Variants in IMPG1 observed in about 807,000 individuals in gnomAD.
IMPG1 encodes interphotoreceptor matrix proteoglycan 1.
Under a neutral mutation model 92.0 loss-of-function variants are expected in IMPG1, and 85 were observed. The observed-to-expected ratio is 0.92, with a 90% CI of 0.78 to 1.11. The LOEUF (loss-of-function observed/expected upper bound fraction) is 1.11. Ranked by LOEUF, IMPG1 falls within the 50% of genes least tolerant of loss-of-function variation. The probability of loss-of-function intolerance (pLI) is 0.00; values close to 1 mark genes in which losing one functional copy is unlikely to be tolerated. For missense variants in IMPG1, 1,022 were observed against 956.0 expected, an observed-to-expected ratio of 1.07 and a Z score of -0.91; for synonymous variants, 367 against 334.1, an observed-to-expected ratio of 1.10 and a Z score of -1.08.
At chr6:76,064,912 G>T (rs1388506163) in intron 1 of IMPG1, among the ~76,000 whole-genome samples, 1 of 152,092 alleles carries the variant, frequency 6.6e-6, no homozygotes. Flanking sequence ...GGCACCATAG[G>T]AGACAATGAA....
At position 76,034,626 on chromosome 6, in the gene IMPG1, G is replaced by A. The variant is rs773117498; in HGVS notation, c.463C>T (p.Gln155Ter). The A allele has an allele frequency of 6.2e-7, 1 of 1,614,094 alleles. No homozygotes were observed. The highest frequency in any genetic ancestry group is 1.1e-5 in the South Asian group (1 of 91,082). ...SNSQEHLDLL[Q>*]QRIKQRSFPD... Reference sequence around the variant, plus strand: ...CATGTGGTGTTTAGGCTCACCTGCTGGAGAAGATCCAGGTGCTCCTGGGAA... The same window carrying A: ...CATGTGGTGTTTAGGCTCACCTGCTAGAGAAGATCCAGGTGCTCCTGGGAA... Residue 155 changes from glutamine (Q) to a stop codon, truncating the protein, a stop_gained, in exon 3 of 17, where the codon CAG becomes TAG. Coordinates refer to ENST00000369950, the MANE Select transcript of IMPG1 (RefSeq NM_001563.4). LOFTEE classifies it high-confidence loss of function.
At chr6:75,948,777 T>C (rs776215635) in intron 13 of IMPG1, among the ~76,000 whole-genome samples, 1 of 152,182 alleles carries the variant, frequency 6.6e-6, no homozygotes, top group Non-Finnish European at 1.5e-5. Flanking sequence ...TTTTCCAGCC[T>C]CCCTTGTGGC....
chr6:76,012,373 T>A (rs750055838), intron 7 of IMPG1, among the ~76,000 whole-genome samples: 2 of 152,196 alleles, frequency 1.3e-5, no homozygotes, highest in Non-Finnish European at 2.9e-5. Context: ...ACTCTCTCCA[T>A]CTTCATTGCT....
rs755923921 is a variant in IMPG1 at position 76,025,259 on chromosome 6, C to G, written c.498-1G>C. 5.1e-6 allele frequency: 8 copies of G among 1,561,202 alleles called. No individual in the cohort carries two copies. In the Middle Eastern group the frequency reaches 5.1e-4, roughly 99 times the overall value. ...CTTCTCTGCAGATATTTCATCTTTT[C>G]TATTAGTACAATAGAAAAGAAGGAA... On this transcript the variant is annotated splice_acceptor_variant, in intron 4 of 16. Transcript: ENST00000369950. LOFTEE classifies it high-confidence loss of function.
At chr6:75,946,360 T>C in intron 14 of IMPG1, among the ~76,000 whole-genome samples, 1 of 152,228 alleles carries the variant, frequency 6.6e-6, no homozygotes, top group Non-Finnish European at 1.5e-5. Flanking sequence ...GCCCATGGCC[T>C]CTTCCTTCTG....
intron 12 of IMPG1, among the ~76,000 whole-genome samples, chr6:75,971,215 C>T (rs567842411): frequency 3.0e-4 from 45 of 150,892 alleles, no homozygotes; most frequent in Middle Eastern, 3.4e-3. Flanking sequence ...AACTATCGCA[C>T]GGACAAAAAA....
chr6:76,036,252 G>A (rs1182140112), intron 2 of IMPG1, among the ~76,000 whole-genome samples: 1 of 152,182 alleles, frequency 6.6e-6, no homozygotes, highest in Non-Finnish European at 1.5e-5. Context: ...ACGACTAATT[G>A]TATATGAACA....
At chr6:76,034,561 G>T in intron 3 of IMPG1, 60 bp downstream of exon 3, 10 of 1,560,332 alleles carry the variant, frequency 6.4e-6, no homozygotes, top group Non-Finnish European at 8.8e-6. Flanking sequence ...AGGCCTAGGG[G>T]CTGGAGCCTG....
intron 1 of IMPG1, among the ~76,000 whole-genome samples, chr6:76,062,253 T>G (rs1303904696): frequency 6.6e-6 from 1 of 152,238 alleles, no homozygotes; most frequent in Non-Finnish European, 1.5e-5. Context: ...TGCAAAGCTC[T>G]TTATTGCAAT....
chr6:76,020,497 G>T (rs1783403139), intron 6 of IMPG1, among the ~76,000 whole-genome samples: 1 of 152,152 alleles, frequency 6.6e-6, no homozygotes, highest in Non-Finnish European at 1.5e-5. Context: ...TTGTGCCTTT[G>T]CCCTGAAGCT....
chr6:76,069,673 T>C (rs1784373998), intron 1 of IMPG1, among the ~76,000 whole-genome samples: 1 of 151,926 alleles, frequency 6.6e-6, no homozygotes, highest in African/African-American at 2.4e-5. Context: ...CACATACACT[T>C]GCAAGTTCAT....
At chr6:75,931,963 C>T (rs1346945553) in intron 14 of IMPG1, among the ~76,000 whole-genome samples, 1 of 152,198 alleles carries the variant, frequency 6.6e-6, no homozygotes, top group African/African-American at 2.4e-5. Context: ...GACCGGAGTC[C>T]TCAAGGGCTG....
chr6:75,969,704 G>A lies in IMPG1; in HGVS notation c.1292-18610C>T, dbSNP rs1170714141. Among the ~76,000 whole-genome samples, 5 of 152,108 alleles carry A rather than the reference G, an allele frequency of 3.3e-5. No homozygotes were observed. The East Asian group carries it at 9.7e-4, about 29-fold the overall frequency. ...ACTAAGATCACGCCACAGTACTCCA[G>A]CCTGGGTGACAGAGACTCCATCTCA... On this transcript the variant is annotated intron_variant, in intron 12 of 16. Coordinates refer to ENST00000369950, the MANE Select transcript of IMPG1 (RefSeq NM_001563.4).
chr6:76,002,534 A>T (rs1329121316), intron 12 of IMPG1, among the ~76,000 whole-genome samples: 6 of 152,228 alleles, frequency 3.9e-5, no homozygotes, highest in Admixed American at 6.5e-5. Context: ...CACGGTTGAC[A>T]TGGCTGCTTG....
At chr6:75,930,853 C>T (rs1582048694) in intron 15 of IMPG1, 100 bp downstream of exon 15, 3 of 1,110,914 alleles carry the variant, frequency 2.7e-6, no homozygotes, top group Non-Finnish European at 4.0e-6. Context: ...GTTTAAAAAC[C>T]ATGGGTTGAA....
At chr6:75,974,375 C>CTTTCTT (rs1554230304) in intron 12 of IMPG1, among the ~76,000 whole-genome samples, 15 of 83,444 alleles carry the variant, frequency 1.8e-4, no homozygotes, top group African/African-American at 7.4e-4. Flanking sequence ...TTCTTTCTTT[C>CTTTCTT]TTTCTTTCTT....
At chr6:75,955,752 T>C (rs551488735) in intron 12 of IMPG1, among the ~76,000 whole-genome samples, 67 of 152,354 alleles carry the variant, frequency 4.4e-4, no homozygotes, top group African/African-American at 1.5e-3. Flanking sequence ...TTAATAGCTC[T>C]TATTATTTTG....
chr6:76,054,554 A>G (rs1232335348), intron 1 of IMPG1, among the ~76,000 whole-genome samples: 1 of 152,198 alleles, frequency 6.6e-6, no homozygotes, highest in Non-Finnish European at 1.5e-5. Flanking sequence ...AAGAATGGAA[A>G]AAAGTTATAA....
At chr6:75,999,381 T>A (rs1274426701) in intron 12 of IMPG1, among the ~76,000 whole-genome samples, 1 of 152,232 alleles carries the variant, frequency 6.6e-6, no homozygotes, top group African/African-American at 2.4e-5. Flanking sequence ...GAGATTTTAA[T>A]GGCCTGGTGG....
Sources: gnomAD v4.1 joint callset for allele counts (sites outside exome capture counted in the v4.1 genomes callset) on GRCh38, gnomAD v4.1.1 for gene constraint, MANE v1.5 for transcripts, NCBI Gene and HGNC (gene_info 2026-07-23, HGNC 2026-07-21) for gene names.